Variants in DENND1B observed in about 807,000 individuals in gnomAD.
The protein encoded by DENND1B is DENN domain-containing protein 1B.
Under a neutral mutation model 90.1 loss-of-function variants are expected in DENND1B, and 59 were observed. The observed-to-expected ratio is 0.65, with a 90% CI of 0.53 to 0.81. The LOEUF (loss-of-function observed/expected upper bound fraction) is 0.81. Among genes scored for constraint, DENND1B ranks in the 40% least tolerant of loss-of-function variants. The pLI, the probability that DENND1B is intolerant of heterozygous loss-of-function variation, is 0.00. For synonymous variants in DENND1B, 337 were observed against 324.6 expected (o/e 1.04, Z -0.41); for missense variants, 862 against 912.6 (o/e 0.94, Z 0.71).
At chr1:197,690,807 G>GT (rs1253842760) in intron 3 of DENND1B, among the ~76,000 whole-genome samples, 16 of 151,408 alleles carry the variant, frequency 1.1e-4, no homozygotes, top group Non-Finnish European at 1.5e-4. Context: ...ACATTTTTGG[G>GT]TTTTTTTTGT....
chr1:197,679,153 C>T (rs925213715), intron 3 of DENND1B, among the ~76,000 whole-genome samples: 1 of 151,426 alleles, frequency 6.6e-6, no homozygotes, highest in African/African-American at 2.4e-5. Context: ...ATAAAAAGAA[C>T]TATGTTATAA....
At chr1:197,775,912 C>A (rs1026673776), upstream of DENND1B, among the ~76,000 whole-genome samples, 3 of 152,184 alleles carry the variant, frequency 2.0e-5, no homozygotes, top group Non-Finnish European at 4.4e-5. Flanking sequence ...CCAGCTGTGG[C>A]CTGCTTACAG....
chr1:197,543,365 C>T (rs1222027408), intron 18 of DENND1B, among the ~76,000 whole-genome samples: 1 of 152,058 alleles, frequency 6.6e-6, no homozygotes, highest in East Asian at 1.9e-4. Context: ...TGCTTCATTG[C>T]TGCGCTTTTG....
At chr1:197,620,744 G>A (rs755509280) in intron 10 of DENND1B, among the ~76,000 whole-genome samples, 7 of 151,184 alleles carry the variant, frequency 4.6e-5, no homozygotes, top group South Asian at 4.2e-4. Flanking sequence ...ATATGCAATC[G>A]AAATCCCTAT....
intron 2 of DENND1B, among the ~76,000 whole-genome samples, chr1:197,729,261 G>A: frequency 6.6e-6 from 1 of 151,908 alleles, no homozygotes; most frequent in East Asian, 1.9e-4. Context: ...CTTCATAAAG[G>A]CAGCTTTTTC....
chr1:197,606,433 G>C (rs1443155014), intron 13 of DENND1B: 1 of 151,226 alleles, frequency 6.6e-6, no homozygotes, highest in East Asian at 1.9e-4. Flanking sequence ...TAAGTAAGCA[G>C]TCTTTGCTCT....
chr1:197,630,686 A>G (rs1269084506), intron 10 of DENND1B, among the ~76,000 whole-genome samples: 1 of 152,070 alleles, frequency 6.6e-6, no homozygotes, highest in East Asian at 1.9e-4. Context: ...AAATAATTCT[A>G]AATTTTTCTT....
At position 197,505,834 on chromosome 1, in the gene DENND1B, T is replaced by C. The variant is rs547053451; in HGVS notation, c.*4626A>G. 45 of 151,784 alleles carry C rather than the reference T, an allele frequency of 3.0e-4. No homozygotes were observed. Among genetic ancestry groups the C allele is most frequent in the Admixed American group, 2.7e-3 (41 of 15,212 alleles). The allele number at this position is 151,784 out of a possible 1,614,324, so 9.4% of individuals were successfully genotyped here. ...TCAGCATACAAATGCCATTTTGATTTAGGTGGTGCAGAACTGAGTATCTGT... is the reference window on the plus strand; with the variant it reads ...TCAGCATACAAATGCCATTTTGATTCAGGTGGTGCAGAACTGAGTATCTGT... On this transcript the variant is annotated 3_prime_UTR_variant, in exon 23 of 23. Transcript: ENST00000620048.
intron 15 of DENND1B, among the ~76,000 whole-genome samples, chr1:197,556,319 TG>T (rs1671713663): frequency 6.6e-6 from 1 of 151,978 alleles, no homozygotes; most frequent in African/African-American, 2.4e-5. Context: ...AACATACCCA[TG>T]TACCAAACCT....
rs183855751 is a variant in DENND1B at position 197,757,083 on chromosome 1, A to C, written c.82+15785T>G. ...TTCTTGCAAGTTACAAAAGAGATGTACCTGCAGTTTGCTTAAATTATATTA... is the reference window on the plus strand; with the variant it reads ...TTCTTGCAAGTTACAAAAGAGATGTCCCTGCAGTTTGCTTAAATTATATTA... On this transcript the variant is annotated intron_variant, in intron 2 of 22. Transcript: ENST00000620048. Among the ~76,000 whole-genome samples the C allele has an allele frequency of 7.9e-5, 12 of 151,992 alleles. No individual in the cohort carries two copies. The East Asian group carries it at 2.3e-3, about 29-fold the overall frequency.
At chr1:197,642,943 TTAAAA>T in intron 9 of DENND1B, 122 bp from the exon 10 acceptor site, 1 of 622,560 alleles carries the variant, frequency 1.6e-6, no homozygotes, top group Non-Finnish European at 2.8e-6. Flanking sequence ...ATGGTATTTA[TTAAAA>T]TAATTAAGTG....
intron 9 of DENND1B, among the ~76,000 whole-genome samples, chr1:197,644,463 T>C (rs1680554053): frequency 6.6e-6 from 1 of 152,146 alleles, no homozygotes; most frequent in African/African-American, 2.4e-5. Context: ...GAAAGGTAAA[T>C]AGGAGAGAGA....
chr1:197,521,456 A>C (rs1218155032), intron 20 of DENND1B, among the ~76,000 whole-genome samples: 1 of 151,910 alleles, frequency 6.6e-6, no homozygotes, highest in Non-Finnish European at 1.5e-5. Flanking sequence ...TTTTAGACAT[A>C]AGAAAATTAA....
chr1:197,633,177 AG>A (rs1363421206), intron 10 of DENND1B, among the ~76,000 whole-genome samples: 1 of 152,188 alleles, frequency 6.6e-6, no homozygotes, highest in African/African-American at 2.4e-5. Flanking sequence ...TCTCCTTTAG[AG>A]GAAAGGGTGA....
At chr1:197,548,577 T>G (rs1290356140) in intron 16 of DENND1B, among the ~76,000 whole-genome samples, 1 of 152,168 alleles carries the variant, frequency 6.6e-6, no homozygotes, top group Admixed American at 6.6e-5. Context: ...GGTTCTATGA[T>G]GATGTATTAT....
At chr1:197,675,121 A>T (rs1655922083) in intron 3 of DENND1B, among the ~76,000 whole-genome samples, 1 of 152,110 alleles carries the variant, frequency 6.6e-6, no homozygotes, top group South Asian at 2.1e-4. Flanking sequence ...AAGACAAAGA[A>T]TTTTATAAGG....
At chr1:197,595,891 G>A (rs1675644867) in intron 13 of DENND1B, among the ~76,000 whole-genome samples, 1 of 152,078 alleles carries the variant, frequency 6.6e-6, no homozygotes, top group South Asian at 2.1e-4. Flanking sequence ...TTATGCAAAT[G>A]TTATACATTG....
chr1:197,507,866 G>C lies in DENND1B; in HGVS notation c.*2594C>G, dbSNP rs1405138872. ...TTACTGGTTTGAAATACAAATACTT[G>C]GTAGTATTATTCTGGATGTTTTTAA... On this transcript the variant is annotated 3_prime_UTR_variant, in exon 23 of 23. Coordinates refer to ENST00000620048, the MANE Select transcript of DENND1B (RefSeq NM_001195215.2). 6.6e-6 allele frequency: 1 copy of C among 151,368 alleles called. No individual in the cohort carries two copies. Among genetic ancestry groups the C allele is most frequent in the Non-Finnish European group, 1.5e-5 (1 of 67,664 alleles). The allele number at this position is 151,368 out of a possible 1,614,324, so 9.4% of individuals were successfully genotyped here.
chr1:197,647,119 T>G lies in DENND1B; in HGVS notation c.448-5A>C, dbSNP rs914993327. On this transcript the variant is annotated splice_polypyrimidine_tract_variant and splice_region_variant and intron_variant, in intron 7 of 22. Transcript: ENST00000620048. ...GGCAATAAATATCTCTTGGTTCTTA[T>G]AATACATGAGAGAAAAAAATGAATA... 29 of 1,446,350 alleles carry G rather than the reference T, an allele frequency of 2.0e-5. No individual in the cohort carries two copies. The highest frequency in any genetic ancestry group is 2.3e-5 in the Non-Finnish European group (26 of 1,106,614). 89.6% of individuals were successfully genotyped at this position (1,446,350 alleles called of 1,614,324 possible). A position where few individuals can be genotyped will look rare whatever the true frequency, so the allele number is the denominator to read the frequency against.
Sources: allele counts gnomAD v4.1 joint callset (sites outside exome capture counted in the v4.1 genomes callset), GRCh38; gene constraint gnomAD v4.1.1; transcripts MANE v1.5; gene names NCBI Gene and HGNC (gene_info 2026-07-23, HGNC 2026-07-21).